RDH13: variants seen among roughly 807,000 people sequenced by gnomAD.
RDH13 encodes the protein retinol dehydrogenase 13 (all-trans and 9-cis).
RDH13 carries 35 observed loss-of-function variants against 28.3 expected under a neutral mutation model. The observed-to-expected ratio is 1.24, with a 90% CI of 0.95 to 1.64. RDH13 has a LOEUF of 1.64. Among genes scored for constraint, RDH13 ranks in the 40% most tolerant of loss-of-function variants. RDH13 has a pLI of 0.00. For synonymous variants in RDH13, 229 were observed against 198.5 expected (o/e 1.15, Z -1.29); for missense variants, 514 against 446.3 (o/e 1.15, Z -1.37).
At position 55,061,191 on chromosome 19, in the gene RDH13, A is replaced by G. The variant is rs929362884; in HGVS notation, c.65+1777T>C. Among the ~76,000 whole-genome samples the G allele has an allele frequency of 2.0e-5, 3 of 152,182 alleles. No individual in the cohort carries two copies. In the East Asian group the frequency reaches 5.8e-4, roughly 30 times the overall value. ...CGCCCAGGCTGGAGTGCAGTGGCTC[A>G]ATCTCAGCTCACTGTAACCTTCGCC... On this transcript the variant is annotated intron_variant, in intron 1 of 6. Transcript: ENST00000415061.
At chr19:55,053,173 G>T (rs2075512518) in intron 3 of RDH13, among the ~76,000 whole-genome samples, 1 of 152,154 alleles carries the variant, frequency 6.6e-6, no homozygotes, top group South Asian at 2.1e-4. Context: ...CTCCCAAAGT[G>T]CCGGGATGAC....
chr19:55,065,869 C>T (rs778198700), upstream of RDH13, among the ~76,000 whole-genome samples: 12 of 152,098 alleles, frequency 7.9e-5, no homozygotes, highest in Non-Finnish European at 1.5e-4. Flanking sequence ...AGGCGCTCGC[C>T]GCCACACCTG....
At chr19:55,053,025 C>T (rs765457989) in intron 3 of RDH13, among the ~76,000 whole-genome samples, 5 of 151,994 alleles carry the variant, frequency 3.3e-5, no homozygotes, top group Non-Finnish European at 7.4e-5. Flanking sequence ...TCTCAAACTC[C>T]CTGATAAACA....
Position 55,058,869 on chromosome 19 carries a change from G to A in RDH13, c.184+288C>T, listed in dbSNP as rs560912413. On this transcript the variant is annotated intron_variant, in intron 2 of 6. Transcript: ENST00000415061. ...CTAATTTTTGTATTTTTAGTAGAGA[G>A]GGGGTTTCACCATGTTGGTTAGGCT... 4.6e-5 allele frequency among the ~76,000 whole-genome samples: 7 copies of A among 152,182 alleles called. No homozygotes were observed. The East Asian group carries it at 9.7e-4, about 21-fold the overall frequency.
Position 55,047,468 on chromosome 19 carries a change from CGTT to C in RDH13, c.676_678del (p.Asn226del). On this transcript the variant is annotated inframe_deletion, in exon 6 of 7. Coordinates refer to ENST00000415061, the MANE Select transcript of RDH13 (RefSeq NM_001145971.2). ...GTCCTGGCCACGCCGGGGTGCAGGG[CGTT>C]GACAGTCACACCAGAGCCTGGGGAA... The C allele has an allele frequency of 6.2e-7, 1 of 1,608,352 alleles. No homozygotes were observed. Among genetic ancestry groups the C allele is most frequent in the Middle Eastern group, 1.7e-4 (1 of 6,058 alleles).
chr19:55,055,532 G>C (rs1231533334), intron 3 of RDH13, among the ~76,000 whole-genome samples: 2 of 151,952 alleles, frequency 1.3e-5, no homozygotes, highest in Non-Finnish European at 2.9e-5. Flanking sequence ...GGTGGGGAAG[G>C]CACTTGATCA....
chr19:55,060,741 C>G (rs573950307), intron 1 of RDH13, among the ~76,000 whole-genome samples: 112 of 152,140 alleles, frequency 7.4e-4, no homozygotes, highest in African/African-American at 2.6e-3. Context: ...GGCTGAGGCA[C>G]GAGAATTGCT....
At position 55,044,645 on chromosome 19, in the gene RDH13, GAGGACCATGCATGCACA is replaced by G. The variant is rs1378669175; in HGVS notation, c.*412_*428del. ...ACTGCTGAAGAAACCAAGGCTCAGA[GAGGACCATGCATGCACA>G]AGGTCCCACAGGGACCCAAGAATCC... On this transcript the variant is annotated 3_prime_UTR_variant, in exon 7 of 7. Transcript: ENST00000415061. 5.5e-6 allele frequency: 1 copy of G among 180,618 alleles called. No homozygotes were observed. Among genetic ancestry groups the G allele is most frequent in the Middle Eastern group, 2.3e-3 (1 of 442 alleles). The allele number at this position is 180,618 out of a possible 1,614,324, so 11.2% of individuals were successfully genotyped here.
Position 55,045,057 on chromosome 19 carries a change from CAAATCTGCTCCAGAGG to C in RDH13, c.*1_*16del. 6.4e-7 allele frequency: 1 copy of C among 1,553,780 alleles called. No homozygotes were observed. The highest frequency in any genetic ancestry group is 1.2e-5 in the South Asian group (1 of 84,378). Reference sequence around the variant, plus strand: ...GGTCTGGAGGCGCCATCCTGGCTTTCAAATCTGCTCCAGAGGTTATCTGGGGAGGGGCTGCTCCCTC... The same window carrying C: ...GGTCTGGAGGCGCCATCCTGGCTTTCTTATCTGGGGAGGGGCTGCTCCCTC... On this transcript the variant is annotated 3_prime_UTR_variant, in exon 7 of 7. Transcript: ENST00000415061.
chr19:55,047,588 G>A, intron 5 of RDH13, 100 bp from the exon 6 acceptor site: 6 of 1,479,580 alleles, frequency 4.1e-6, no homozygotes, highest in Non-Finnish European at 5.4e-6. Flanking sequence ...GCACCAGGCT[G>A]CTTCCTGCAC....
At position 55,063,114 on chromosome 19, in the gene RDH13, G is replaced by A. The variant is rs1239497034; in HGVS notation, c.-82C>T. On this transcript the variant is annotated 5_prime_UTR_variant, in exon 1 of 7. Coordinates refer to ENST00000415061, the MANE Select transcript of RDH13 (RefSeq NM_001145971.2). ...CAGCCGCCTGGGTAGCTCCGAGGAA[G>A]AGCGCGCGACGCAGCCACAGGCGAG... 2 of 1,205,894 alleles carry A rather than the reference G, an allele frequency of 1.7e-6. No individual in the cohort carries two copies. The highest frequency in any genetic ancestry group is 3.2e-5 in the African/African-American group (2 of 63,434). The allele number at this position is 1,205,894 out of a possible 1,614,324, so 74.7% of individuals were successfully genotyped here. A position where few individuals can be genotyped will look rare whatever the true frequency, so the allele number is the denominator to read the frequency against.
At chr19:55,044,174 A>T (rs539622653), downstream of RDH13, 88 of 152,180 alleles carry the variant, frequency 5.8e-4, no homozygotes, top group African/African-American at 2.1e-3. Context: ...GCGCCCGGCC[A>T]AGTCTGAACT....
intron 2 of RDH13, among the ~76,000 whole-genome samples, chr19:55,058,675 TTTTGTTTTGC>T (rs1355127342): frequency 6.6e-6 from 1 of 151,854 alleles, no homozygotes; most frequent in Non-Finnish European, 1.5e-5. Context: ...ATGCCCTTTT[TTTTGTTTTGC>T]TTTGTTTTGT....
intron 4 of RDH13, 58 bp from the exon 5 acceptor site, chr19:55,048,599 T>G (rs993300581): frequency 2.5e-6 from 4 of 1,611,124 alleles, no homozygotes; most frequent in African/African-American, 1.3e-5. Flanking sequence ...CCCAGCACTT[T>G]GGGAGGACGA....
intron 3 of RDH13, among the ~76,000 whole-genome samples, chr19:55,050,112 AT>A (rs754926169): frequency 0.22 from 23,925 of 106,554 alleles, 2,354 homozygotes; most frequent in Middle Eastern, 0.43. Flanking sequence ...CCCCCAGCCT[AT>A]TTTTTTTTTT....
chr19:55,067,541 C>T (rs917728914), upstream of RDH13: 4 of 152,104 alleles, frequency 2.6e-5, no homozygotes, highest in East Asian at 1.9e-4. Flanking sequence ...AGGGCTGAGG[C>T]GGGAGCCATC....
At chr19:55,048,618 G>GAT in intron 4 of RDH13, 41 bp downstream of exon 4, 3 of 1,610,266 alleles carry the variant, frequency 1.9e-6, no homozygotes, top group Non-Finnish European at 2.5e-6. Flanking sequence ...GACGGGGGAG[G>GAT]ATCGCTTGAA....
At chr19:55,061,090 T>C (rs1401462241) in intron 1 of RDH13, among the ~76,000 whole-genome samples, 2 of 152,116 alleles carry the variant, frequency 1.3e-5, no homozygotes, top group Non-Finnish European at 2.9e-5. Context: ...ATCTTCAACC[T>C]GCATCCTCAC....
chr19:55,062,259 G>A (rs2075831096), intron 1 of RDH13, among the ~76,000 whole-genome samples: 1 of 152,168 alleles, frequency 6.6e-6, no homozygotes, highest in South Asian at 2.1e-4. Flanking sequence ...TCCCACAGAG[G>A]CTAACGCTGG....
Sources: gnomAD v4.1 joint callset for allele counts (sites outside exome capture counted in the v4.1 genomes callset) on GRCh38, gnomAD v4.1.1 for gene constraint, MANE v1.5 for transcripts, NCBI Gene and HGNC (gene_info 2026-07-23, HGNC 2026-07-21) for gene names.